The following ELOVL6 variants were observed in gnomAD, a reference collection of about 807,000 sequenced individuals.
ELOVL6 encodes the protein very long chain fatty acid elongase 6.
ELOVL6 carries 8 observed loss-of-function variants against 31.7 expected under a neutral mutation model. The ratio of observed to expected loss-of-function variants is 0.25; its 90% CI spans 0.15 to 0.45. ELOVL6 has a LOEUF of 0.45. Ranked by LOEUF, ELOVL6 falls within the 20% of genes least tolerant of loss-of-function variation. ELOVL6 has a pLI of 1.00. For synonymous variants in ELOVL6, 101 were observed against 117.7 expected (o/e 0.86, Z 0.92); for missense variants, 126 against 326.4 (o/e 0.39, Z 4.73).
intron 1 of ELOVL6, among the ~76,000 whole-genome samples, chr4:110,160,928 T>C (rs1200248313): frequency 3.3e-5 from 5 of 152,232 alleles, no homozygotes; most frequent in Non-Finnish European, 2.9e-5. Context: ...TTGCACCTTA[T>C]TGGTTTCTCC....
At chr4:110,175,990 T>C (rs1759092210) in intron 1 of ELOVL6, among the ~76,000 whole-genome samples, 1 of 151,342 alleles carries the variant, frequency 6.6e-6, no homozygotes, top group Non-Finnish European at 1.5e-5. Context: ...TCCACTTCCA[T>C]TAGGAAGTTT....
intron 1 of ELOVL6, among the ~76,000 whole-genome samples, chr4:110,160,357 C>T (rs1005897251): frequency 2.0e-5 from 3 of 152,270 alleles, no homozygotes; most frequent in African/African-American, 7.2e-5. Context: ...TTATATCTTC[C>T]TTCCACTGGC....
chr4:110,080,610 C>T (rs1235711067), intron 2 of ELOVL6, among the ~76,000 whole-genome samples: 1 of 152,144 alleles, frequency 6.6e-6, no homozygotes, highest in Admixed American at 6.5e-5. Flanking sequence ...TAACAGCTAT[C>T]CGTGACAAAC....
chr4:110,089,490 G>A (rs151075018), intron 2 of ELOVL6, among the ~76,000 whole-genome samples: 1 of 152,236 alleles, frequency 6.6e-6, no homozygotes, highest in African/African-American at 2.4e-5. Context: ...TGTATACTGA[G>A]GGATGACTGT....
At chr4:110,155,863 T>C (rs997894841) in intron 1 of ELOVL6, among the ~76,000 whole-genome samples, 3 of 152,162 alleles carry the variant, frequency 2.0e-5, no homozygotes, top group Non-Finnish European at 4.4e-5. Flanking sequence ...CTGGTGATTA[T>C]AAAAGGTTCC....
intron 1 of ELOVL6, among the ~76,000 whole-genome samples, chr4:110,171,494 G>GTCAA (rs1758943326): frequency 6.6e-6 from 1 of 151,752 alleles, no homozygotes; most frequent in Non-Finnish European, 1.5e-5. Context: ...CTGCATGGTT[G>GTCAA]TCAATCATAC....
At chr4:110,150,937 G>A (rs868723338) in intron 1 of ELOVL6, among the ~76,000 whole-genome samples, 6 of 152,190 alleles carry the variant, frequency 3.9e-5, no homozygotes, top group African/African-American at 1.2e-4. Flanking sequence ...CAGCTACGCA[G>A]GAGGCTGAGG....
chr4:110,154,673 C>G (rs1320893395), intron 1 of ELOVL6, among the ~76,000 whole-genome samples: 3 of 152,216 alleles, frequency 2.0e-5, no homozygotes, highest in Non-Finnish European at 4.4e-5. Context: ...TTTCTGTCAT[C>G]AGACCCAAAC....
At chr4:110,123,233 A>G (rs1223758419) in intron 1 of ELOVL6, among the ~76,000 whole-genome samples, 1 of 152,238 alleles carries the variant, frequency 6.6e-6, no homozygotes, top group African/African-American at 2.4e-5. Flanking sequence ...ACTCTGCTTC[A>G]AACTCACTTT....
intron 1 of ELOVL6, among the ~76,000 whole-genome samples, chr4:110,180,011 A>G (rs1759224677): frequency 6.6e-6 from 1 of 152,244 alleles, no homozygotes. Context: ...TCTGTGGGGA[A>G]GAAATATCAG....
At chr4:110,061,871 A>G (rs1755153073) in intron 2 of ELOVL6, among the ~76,000 whole-genome samples, 1 of 152,166 alleles carries the variant, frequency 6.6e-6, no homozygotes, top group African/African-American at 2.4e-5. Context: ...CTGTTAGACT[A>G]TGTAATTCCC....
intron 1 of ELOVL6, among the ~76,000 whole-genome samples, chr4:110,157,805 G>A (rs928603147): frequency 3.3e-5 from 5 of 152,190 alleles, no homozygotes. Flanking sequence ...TGCCCTCAGG[G>A]AACTACACAT....
chr4:110,191,919 G>A (rs558937407), intron 1 of ELOVL6, among the ~76,000 whole-genome samples: 10 of 152,294 alleles, frequency 6.6e-5, no homozygotes, highest in African/African-American at 2.4e-4. Flanking sequence ...GCCGGGCATG[G>A]TGGCTCACAC....
chr4:110,062,756 A>T (rs550581389), intron 2 of ELOVL6, among the ~76,000 whole-genome samples: 37 of 152,188 alleles, frequency 2.4e-4, no homozygotes, highest in African/African-American at 8.2e-4. Flanking sequence ...GTTCTCGGCC[A>T]CTCTATGCCA....
At chr4:110,144,659 C>T (rs1028458046) in intron 1 of ELOVL6, among the ~76,000 whole-genome samples, 4 of 152,054 alleles carry the variant, frequency 2.6e-5, no homozygotes, top group African/African-American at 7.2e-5. Flanking sequence ...CATCATAAGC[C>T]ATAATGGATG....
chr4:110,110,993 T>TA (rs1757018020), intron 1 of ELOVL6, among the ~76,000 whole-genome samples: 1 of 152,186 alleles, frequency 6.6e-6, no homozygotes, highest in Non-Finnish European at 1.5e-5. Flanking sequence ...TCTATTTTTT[T>TA]AAAAAAGGTG....
chr4:110,105,691 AC>A, intron 1 of ELOVL6, 63 bp from the exon 2 acceptor site: 1 of 1,490,510 alleles, frequency 6.7e-7, no homozygotes, highest in South Asian at 1.2e-5. Context: ...CAAATTTTGT[AC>A]CAGTTCTCCT....
At chr4:110,077,733 G>C (rs1435932294) in intron 2 of ELOVL6, among the ~76,000 whole-genome samples, 1 of 152,190 alleles carries the variant, frequency 6.6e-6, no homozygotes, top group South Asian at 2.1e-4. Flanking sequence ...AACAAAGCTG[G>C]ACGGACAATG....
At chr4:110,160,735 T>C (rs955909563) in intron 1 of ELOVL6, among the ~76,000 whole-genome samples, 4 of 152,192 alleles carry the variant, frequency 2.6e-5, no homozygotes, top group Admixed American at 2.6e-4. Context: ...CAAAGGGAAA[T>C]TAATAAATTC....
Sources: gnomAD v4.1 joint callset for allele counts (sites outside exome capture counted in the v4.1 genomes callset) on GRCh38, gnomAD v4.1.1 for gene constraint, MANE v1.5 for transcripts, NCBI Gene and HGNC (gene_info 2026-07-23, HGNC 2026-07-21) for gene names.